Variants in NCKAP5 observed in about 807,000 individuals in gnomAD.
NCKAP5 encodes the protein nck-associated protein 5.
A neutral mutation model predicts 167.0 loss-of-function variants in NCKAP5; 92 were observed. The ratio of observed to expected loss-of-function variants is 0.55; its 90% confidence interval spans 0.47 to 0.66. The LOEUF is 0.66. Among genes scored for constraint, NCKAP5 ranks in the 30% least tolerant of loss-of-function variants. The probability of loss-of-function intolerance (pLI) is 0.00; values close to 1 mark genes in which losing one functional copy is unlikely to be tolerated. For synonymous variants in NCKAP5, 891 were observed against 877.4 expected (o/e 1.02, Z -0.27); for missense variants, 2,378 against 2,315.0 (o/e 1.03, Z -0.56).
intron 3 of NCKAP5, among the ~76,000 whole-genome samples, chr2:133,377,826 G>A (rs1435605834): frequency 1.3e-5 from 2 of 152,194 alleles, no homozygotes; most frequent in African/African-American, 4.8e-5. Flanking sequence ...TACTTACCAG[G>A]CTAGGGATGG....
chr2:133,160,161 G>C (rs1048640238), intron 5 of NCKAP5, among the ~76,000 whole-genome samples: 6 of 152,194 alleles, frequency 3.9e-5, no homozygotes, highest in African/African-American at 1.4e-4. Flanking sequence ...CTGGAGGCCA[G>C]AAGTCTGAGT....
the NCKAP5 span, among the ~76,000 whole-genome samples, chr2:133,584,878 T>C: frequency 6.7e-6 from 1 of 150,016 alleles, no homozygotes. Flanking sequence ...TTAATAAAAC[T>C]GTATTATATT....
intron 5 of NCKAP5, among the ~76,000 whole-genome samples, chr2:133,166,715 C>T (rs910786339): frequency 6.6e-6 from 1 of 152,160 alleles, no homozygotes; most frequent in Non-Finnish European, 1.5e-5. Flanking sequence ...TCTTTCATTT[C>T]GGCACAGTCT....
chr2:133,528,324 CTT>C lies in NCKAP5; in HGVS notation c.-61-10739_-61-10738del, dbSNP rs5834364. On this transcript the variant is annotated intron_variant, in intron 2 of 19. Transcript: ENST00000409261. The stretch of plus-strand genomic sequence containing the variant: ...AAAATCAAAACTTCAATTACTGGGC[CTT>C]TTTTTTTTTCCCATGTGTAGGTTGT... Among the ~76,000 whole-genome samples the C allele has an allele frequency of 3.9e-3, 580 of 148,914 alleles. 4 individuals are homozygous for C. Among genetic ancestry groups the C allele is most frequent in the Non-Finnish European group, 6.0e-3 (405 of 67,036 alleles).
chr2:133,590,666 T>G, the NCKAP5 span, among the ~76,000 whole-genome samples: 1 of 151,968 alleles, frequency 6.6e-6, no homozygotes, highest in African/African-American at 2.4e-5. Context: ...TACTCACGGG[T>G]GAATTCTCAG....
chr2:133,040,629 T>A (rs558045106), intron 6 of NCKAP5, among the ~76,000 whole-genome samples: 12 of 152,314 alleles, frequency 7.9e-5, no homozygotes, highest in African/African-American at 2.6e-4. Flanking sequence ...CCAGTGTGGT[T>A]CTGATAAAAA....
At chr2:132,972,779 C>G (rs192462040) in intron 7 of NCKAP5, among the ~76,000 whole-genome samples, 10 of 151,654 alleles carry the variant, frequency 6.6e-5, no homozygotes, top group Admixed American at 2.6e-4. Flanking sequence ...AGGAGAATCA[C>G]TTGGACCCAG....
At chr2:132,831,068 C>T (rs376047387) in intron 11 of NCKAP5, among the ~76,000 whole-genome samples, 3 of 152,068 alleles carry the variant, frequency 2.0e-5, no homozygotes, top group East Asian at 1.9e-4. Flanking sequence ...CACATTGTTC[C>T]GCAACTTCTT....
At chr2:132,825,289 C>CT (rs1418850459) in intron 11 of NCKAP5, among the ~76,000 whole-genome samples, 3 of 152,156 alleles carry the variant, frequency 2.0e-5, no homozygotes, top group Non-Finnish European at 4.4e-5. Context: ...TTAATATGAA[C>CT]TTCCAGGATG....
At chr2:133,199,824 A>C (rs1340859838) in intron 5 of NCKAP5, among the ~76,000 whole-genome samples, 2 of 152,050 alleles carry the variant, frequency 1.3e-5, no homozygotes, top group Non-Finnish European at 2.9e-5. Context: ...CAAATGTATA[A>C]ATGTGTGTAT....
rs950577233 is a variant in NCKAP5 at position 132,839,788 on chromosome 2, A to G, written c.807+20704T>C. Reference sequence around the variant, plus strand: ...AAAAAAAAAAAAAAAAAAGGCGCAAATAACTACTAATAGCCTACTGTTGAC... The same window carrying G: ...AAAAAAAAAAAAAAAAAAGGCGCAAGTAACTACTAATAGCCTACTGTTGAC... On this transcript the variant is annotated intron_variant, in intron 11 of 19. Coordinates refer to ENST00000409261, the MANE Select transcript of NCKAP5 (RefSeq NM_207363.3). 5.3e-4 allele frequency among the ~76,000 whole-genome samples: 81 copies of G among 151,552 alleles called. 1 individual carries two copies. Among genetic ancestry groups the G allele is most frequent in the Non-Finnish European group, 7.4e-5 (5 of 67,868 alleles).
chr2:132,923,467 T>C (rs1485548933), intron 8 of NCKAP5, among the ~76,000 whole-genome samples: 2 of 152,304 alleles, frequency 1.3e-5, no homozygotes, highest in East Asian at 3.9e-4. Context: ...CTTAACAACA[T>C]GTGAAATTTT....
the NCKAP5 span, among the ~76,000 whole-genome samples, chr2:133,581,119 C>T: frequency 1.3e-5 from 2 of 152,224 alleles, no homozygotes; most frequent in African/African-American, 2.4e-5. Flanking sequence ...CAAATTAATC[C>T]TCCATTGCTC....
intron 6 of NCKAP5, among the ~76,000 whole-genome samples, chr2:133,103,360 A>T (rs562692069): frequency 6.6e-6 from 1 of 152,386 alleles, no homozygotes; most frequent in South Asian, 2.1e-4. Context: ...AATTTCAGAC[A>T]GGTTATCAAT....
rs139569065 is a variant in NCKAP5 at position 133,481,708 on chromosome 2, G to A, written c.69+35750C>T. Among the ~76,000 whole-genome samples, 326 of 152,206 alleles carry A rather than the reference G, an allele frequency of 2.1e-3. 1 individual carries two copies. Among genetic ancestry groups the A allele is most frequent in the Middle Eastern group, 3.4e-3 (1 of 294 alleles). ...TATCTGGTTTTCTGTTCCTGTGTTA[G>A]TTTGCTAAGGATAATGGTCTCCAGC... On this transcript the variant is annotated intron_variant, in intron 3 of 19. Coordinates refer to ENST00000409261, the MANE Select transcript of NCKAP5 (RefSeq NM_207363.3).
chr2:132,710,068 A>G (rs1412057581), intron 19 of NCKAP5, among the ~76,000 whole-genome samples: 2 of 152,162 alleles, frequency 1.3e-5, no homozygotes, highest in Non-Finnish European at 2.9e-5. Flanking sequence ...GACTGGTTTA[A>G]TTTTTAAAAT....
intron 11 of NCKAP5, among the ~76,000 whole-genome samples, chr2:132,840,327 G>A (rs899306730): frequency 2.0e-5 from 3 of 147,532 alleles, no homozygotes; most frequent in African/African-American, 7.4e-5. Flanking sequence ...CCAGGTTGGA[G>A]TGCATTGGTG....
intron 2 of NCKAP5, among the ~76,000 whole-genome samples, chr2:133,539,919 G>A (rs1036121470): frequency 1.7e-4 from 26 of 152,196 alleles, no homozygotes; most frequent in Admixed American, 7.2e-4. Context: ...GGTGGCTCAC[G>A]CCTGTAATCC....
chr2:132,688,660 G>T (rs989050900), intron 19 of NCKAP5, among the ~76,000 whole-genome samples: 5 of 152,090 alleles, frequency 3.3e-5, no homozygotes, highest in Admixed American at 2.6e-4. Flanking sequence ...TCACCTGGGG[G>T]AAGGGGAGGT....
Sources: allele counts gnomAD v4.1 joint callset (sites outside exome capture counted in the v4.1 genomes callset), GRCh38; gene constraint gnomAD v4.1.1; transcripts MANE v1.5; gene names NCBI Gene and HGNC (gene_info 2026-07-23, HGNC 2026-07-21).